Variants in SPOCK1 observed in about 807,000 individuals in gnomAD.
SPOCK1 encodes testican-1.
Under a neutral mutation model 55.3 loss-of-function variants are expected in SPOCK1, and 23 were observed. That is an observed-to-expected ratio of 0.42 (90% confidence interval 0.30 to 0.59). SPOCK1 has a LOEUF of 0.59. Among genes scored for constraint, SPOCK1 ranks in the 20% least tolerant of loss-of-function variants. The pLI is 0.22. For synonymous variants in SPOCK1, 226 were observed against 221.0 expected (o/e 1.02, Z -0.20); for missense variants, 499 against 552.5 (o/e 0.90, Z 0.97).
intron 3 of SPOCK1, among the ~76,000 whole-genome samples, chr5:137,204,904 T>C (rs1177869900): frequency 2.0e-5 from 3 of 152,180 alleles, no homozygotes; most frequent in Non-Finnish European, 4.4e-5. Context: ...CTCAAGGCCA[T>C]GTGCAAGTTG....
At chr5:136,984,547 T>C (rs1182832171) in intron 9 of SPOCK1, among the ~76,000 whole-genome samples, 4 of 152,130 alleles carry the variant, frequency 2.6e-5, no homozygotes, top group African/African-American at 9.7e-5. Context: ...GGCTTGGAGC[T>C]AAAGGGGACA....
At chr5:137,451,919 A>C (rs1452718370) in intron 2 of SPOCK1, among the ~76,000 whole-genome samples, 6 of 152,230 alleles carry the variant, frequency 3.9e-5, no homozygotes, top group African/African-American at 1.4e-4. Context: ...AGTTTCCCTT[A>C]TCTAAAATGC....
chr5:137,438,237 T>C (rs925802087), intron 2 of SPOCK1, among the ~76,000 whole-genome samples: 10 of 152,008 alleles, frequency 6.6e-5, no homozygotes, highest in African/African-American at 1.9e-4. Flanking sequence ...AGGCAGGAGA[T>C]GATGGCGGTC....
intron 5 of SPOCK1, among the ~76,000 whole-genome samples, chr5:137,099,081 G>C (rs895912464): frequency 1.3e-5 from 2 of 152,220 alleles, no homozygotes; most frequent in Admixed American, 6.5e-5. Context: ...TGAGTGTTCG[G>C]GGTGCCCACA....
intron 3 of SPOCK1, among the ~76,000 whole-genome samples, chr5:137,156,701 T>C (rs1754424409): frequency 6.6e-6 from 1 of 152,156 alleles, no homozygotes. Flanking sequence ...AAGGAATCCG[T>C]ACAGCAAAAC....
intron 5 of SPOCK1, among the ~76,000 whole-genome samples, chr5:137,101,064 C>G (rs1391465673): frequency 6.6e-6 from 1 of 152,154 alleles, no homozygotes; most frequent in African/African-American, 2.4e-5. Context: ...TGAGCCCTAC[C>G]TACATCTTGG....
intron 3 of SPOCK1, among the ~76,000 whole-genome samples, chr5:137,259,183 T>C (rs934949197): frequency 1.3e-5 from 2 of 152,144 alleles, no homozygotes; most frequent in Non-Finnish European, 2.9e-5. Flanking sequence ...TAAAGACACA[T>C]GCAAACATAT....
chr5:137,371,987 CA>C (rs1751210566), intron 2 of SPOCK1, among the ~76,000 whole-genome samples: 1 of 152,310 alleles, frequency 6.6e-6, no homozygotes, highest in Non-Finnish European at 1.5e-5. Flanking sequence ...AAAGCAAAAA[CA>C]GGGAACATTC....
intron 6 of SPOCK1, among the ~76,000 whole-genome samples, chr5:137,042,094 C>T (rs1752011591): frequency 6.6e-6 from 1 of 151,964 alleles, no homozygotes; most frequent in South Asian, 2.1e-4. Flanking sequence ...ATGAAACATC[C>T]ATACAATGGA....
intron 5 of SPOCK1, among the ~76,000 whole-genome samples, chr5:137,076,242 G>C (rs1752757613): frequency 6.6e-6 from 1 of 152,172 alleles, no homozygotes; most frequent in African/African-American, 2.4e-5. Flanking sequence ...TGAGGCTCCT[G>C]CCTCTGTGCC....
Position 137,267,561 on chromosome 5 carries a change from G to A in SPOCK1, c.187-506C>T, listed in dbSNP as rs76909181. 3.4e-3 allele frequency among the ~76,000 whole-genome samples: 520 copies of A among 152,264 alleles called. 3 individuals are homozygous for A. Among genetic ancestry groups the A allele is most frequent in the African/African-American group, 0.011 (456 of 41,526 alleles). ...CCAAATGTTAGAATTAACCAAAGGC[G>A]TACATTTAGCTTAATACCATTTGTT... On this transcript the variant is annotated intron_variant, in intron 2 of 10. Transcript: ENST00000394945.
At chr5:137,121,179 G>T (rs533866108) in intron 4 of SPOCK1, among the ~76,000 whole-genome samples, 1 of 152,178 alleles carries the variant, frequency 6.6e-6, no homozygotes, top group East Asian at 1.9e-4. Flanking sequence ...TTAAATGTAC[G>T]TCCCATAACA....
chr5:137,435,116 C>T (rs1201664638), intron 2 of SPOCK1, among the ~76,000 whole-genome samples: 1 of 152,184 alleles, frequency 6.6e-6, no homozygotes, highest in Non-Finnish European at 1.5e-5. Flanking sequence ...TCTTGTTCTA[C>T]CATTAAACAT....
At chr5:137,122,240 T>TACACACACACACACACACAC (rs772246376) in intron 4 of SPOCK1, among the ~76,000 whole-genome samples, 1 of 132,958 alleles carries the variant, frequency 7.5e-6, no homozygotes, top group Non-Finnish European at 1.6e-5. Flanking sequence ...AAAGCAGTTA[T>TACACACACACACACACACAC]ACACACACAC....
At chr5:137,106,572 G>A (rs932531085) in intron 5 of SPOCK1, among the ~76,000 whole-genome samples, 5 of 152,070 alleles carry the variant, frequency 3.3e-5, no homozygotes, top group African/African-American at 1.2e-4. Context: ...GCTAAGACCA[G>A]CTGTAGCTTC....
At chr5:137,044,466 A>C (rs1168719206) in intron 6 of SPOCK1, among the ~76,000 whole-genome samples, 2 of 152,234 alleles carry the variant, frequency 1.3e-5, no homozygotes, top group Non-Finnish European at 2.9e-5. Context: ...CTGAGTTCAA[A>C]TCTTGGCTCT....
At chr5:137,074,830 G>A (rs907982037) in intron 5 of SPOCK1, among the ~76,000 whole-genome samples, 12 of 151,612 alleles carry the variant, frequency 7.9e-5, no homozygotes, top group African/African-American at 1.5e-4. Context: ...TCAGCCTCCC[G>A]AGTAGCTGGG....
intron 3 of SPOCK1, among the ~76,000 whole-genome samples, chr5:137,263,833 T>C (rs762805919): frequency 1.6e-4 from 24 of 152,154 alleles, no homozygotes; most frequent in Admixed American, 4.6e-4. Flanking sequence ...ACAGAAACAT[T>C]AAAGATTCAC....
At chr5:137,307,056 AGTTGTTT>A (rs1269512176) in intron 2 of SPOCK1, among the ~76,000 whole-genome samples, 2 of 152,310 alleles carry the variant, frequency 1.3e-5, no homozygotes, top group East Asian at 1.9e-4. Flanking sequence ...GCTAGTTGCT[AGTTGTTT>A]ATCTAACCTA....
Sources: allele counts gnomAD v4.1 joint callset (sites outside exome capture counted in the v4.1 genomes callset), GRCh38; gene constraint gnomAD v4.1.1; transcripts MANE v1.5; gene names NCBI Gene and HGNC (gene_info 2026-07-23, HGNC 2026-07-21).